NBEAL1: variants seen among roughly 807,000 people sequenced by gnomAD.
The protein encoded by NBEAL1 is neurobeachin like 1.
In NBEAL1, 273 loss-of-function variants were observed where a neutral mutation model predicts 351.3. That is an observed-to-expected ratio of 0.78 (90% CI 0.70 to 0.86). NBEAL1 has a LOEUF of 0.86. Ranked by LOEUF, NBEAL1 falls within the 40% of genes least tolerant of loss-of-function variation. NBEAL1 has a pLI of 0.00. For synonymous variants in NBEAL1, 1,050 were observed against 1,086.4 expected, an observed-to-expected ratio of 0.97 and a Z score of 0.66; for missense variants, 2,961 against 3,201.3, an observed-to-expected ratio of 0.92 and a Z score of 1.81.
chr2:203,203,926 G>A (rs1172434270), intron 51 of NBEAL1, among the ~76,000 whole-genome samples: 2 of 146,140 alleles, frequency 1.4e-5, no homozygotes, highest in Non-Finnish European at 3.0e-5. Context: ...TGTTTTTTTT[G>A]TTATTTTTTG....
intron 31 of NBEAL1, among the ~76,000 whole-genome samples, chr2:203,142,681 G>A (rs1292526091): frequency 2.0e-5 from 3 of 151,962 alleles, no homozygotes; most frequent in Non-Finnish European, 4.4e-5. Context: ...CAAAACATTG[G>A]ATATTTAACT....
At chr2:203,064,029 G>A (rs1463351766) in intron 6 of NBEAL1, among the ~76,000 whole-genome samples, 1 of 152,030 alleles carries the variant, frequency 6.6e-6, no homozygotes, top group Non-Finnish European at 1.5e-5. Context: ...TTTTAGTTGG[G>A]AGCATGATGT....
intron 31 of NBEAL1, among the ~76,000 whole-genome samples, chr2:203,141,180 G>T: frequency 6.7e-6 from 1 of 148,354 alleles, no homozygotes; most frequent in Non-Finnish European, 1.5e-5. Flanking sequence ...TTAGATGTTA[G>T]GACTTTTTTT....
intron 12 of NBEAL1, among the ~76,000 whole-genome samples, chr2:203,105,420 G>A (rs553601997): frequency 4.9e-4 from 75 of 151,816 alleles, no homozygotes; most frequent in South Asian, 4.6e-3. Flanking sequence ...AGCTGAGATC[G>A]CGCCACTGCA....
chr2:203,182,552 G>T, intron 43 of NBEAL1: 1 of 152,254 alleles, frequency 6.6e-6, no homozygotes. Context: ...ACTATCAGGT[G>T]GGCAACGAAT....
chr2:203,052,573 T>G (rs1261816530), intron 4 of NBEAL1, among the ~76,000 whole-genome samples: 1 of 152,110 alleles, frequency 6.6e-6, no homozygotes, highest in Non-Finnish European at 1.5e-5. Context: ...TTTGTTTGTT[T>G]GTTAGACAAG....
At chr2:203,077,336 C>T (rs1050045996) in intron 7 of NBEAL1, among the ~76,000 whole-genome samples, 1 of 151,900 alleles carries the variant, frequency 6.6e-6, no homozygotes, top group African/African-American at 2.4e-5. Flanking sequence ...CACCACTGCA[C>T]TCCAGCCTGG....
chr2:203,122,897 A>G (rs2062859685), intron 19 of NBEAL1, among the ~76,000 whole-genome samples: 1 of 152,050 alleles, frequency 6.6e-6, no homozygotes, highest in Non-Finnish European at 1.5e-5. Flanking sequence ...TCTTTTTTTT[A>G]ATCAGTTCCT....
intron 35 of NBEAL1, among the ~76,000 whole-genome samples, chr2:203,155,949 A>G (rs753988451): frequency 4.6e-5 from 7 of 151,938 alleles, no homozygotes; most frequent in Non-Finnish European, 7.4e-5. Flanking sequence ...CTCCTTTCCC[A>G]TCTGTATTTC....
intron 4 of NBEAL1, among the ~76,000 whole-genome samples, chr2:203,054,901 C>T (rs1574904954): frequency 1.3e-5 from 2 of 152,258 alleles, no homozygotes; most frequent in South Asian, 2.1e-4. Context: ...TAAACCACAG[C>T]CTTAGAGACA....
At chr2:203,060,854 T>C (rs1420809764) in intron 6 of NBEAL1, among the ~76,000 whole-genome samples, 1 of 152,246 alleles carries the variant, frequency 6.6e-6, no homozygotes, top group Admixed American at 6.5e-5. Flanking sequence ...ATTGTTAAAT[T>C]TGAAAACATT....
intron 31 of NBEAL1, among the ~76,000 whole-genome samples, chr2:203,143,983 A>G (rs1376365323): frequency 1.3e-5 from 2 of 152,036 alleles, no homozygotes; most frequent in East Asian, 3.9e-4. Context: ...AGGCCAAGGC[A>G]GGTGGATCAC....
At chr2:203,060,644 T>C (rs1179358999) in intron 6 of NBEAL1, among the ~76,000 whole-genome samples, 1 of 152,222 alleles carries the variant, frequency 6.6e-6, no homozygotes, top group Admixed American at 6.5e-5. Context: ...TACGGAATTT[T>C]CACATCGATG....
At position 203,201,688 on chromosome 2, in the gene NBEAL1, A is replaced by G; in HGVS notation, c.7384A>G (p.Ile2462Val). ...AGTGATGTCACTTACAAAAGGCAAA[A>G]TTATCTCACACATCATCCGGCATAT... ...IQVMSLTKGK[I>V]ISHIIRHMDI... Residue 2462 changes from isoleucine (I) to valine (V), a missense_variant, in exon 50 of 56, where the codon ATT (isoleucine) becomes GTT (valine). By Grantham distance (29) the Ile-to-Val change is conservative. Transcript: ENST00000683969. 2 of 1,604,840 alleles carry G rather than the reference A, an allele frequency of 1.2e-6. No individual in the cohort carries two copies. The highest frequency in any genetic ancestry group is 1.7e-5 in the Admixed American group (1 of 58,808).
intron 17 of NBEAL1, among the ~76,000 whole-genome samples, chr2:203,113,850 C>G (rs1462010150): frequency 7.5e-6 from 1 of 132,908 alleles, no homozygotes; most frequent in Non-Finnish European, 1.5e-5. Context: ...GAGATGGAGT[C>G]TGGCTGTGTG....
chr2:203,129,778 G>C (rs1435330052), intron 24 of NBEAL1, among the ~76,000 whole-genome samples: 1 of 152,208 alleles, frequency 6.6e-6, no homozygotes, highest in Non-Finnish European at 1.5e-5. Flanking sequence ...GACCAGGAAA[G>C]ACTTTATGGA....
At chr2:203,119,385 C>G (rs570803612) in intron 18 of NBEAL1, among the ~76,000 whole-genome samples, 1 of 140,526 alleles carries the variant, frequency 7.1e-6, no homozygotes, top group South Asian at 2.3e-4. Flanking sequence ...TTGCAAAGTG[C>G]TAAGATTACA....
At chr2:203,040,898 A>G (rs2061129643) in intron 2 of NBEAL1, 1 of 387,514 alleles carries the variant, frequency 2.6e-6, no homozygotes, top group South Asian at 2.2e-5. Context: ...CAGCTGAACA[A>G]GACCCAGAAT....
chr2:203,156,349 G>C (rs987113002), intron 35 of NBEAL1, among the ~76,000 whole-genome samples: 3 of 152,100 alleles, frequency 2.0e-5, no homozygotes, highest in African/African-American at 7.2e-5. Context: ...TTGCCAGCTG[G>C]CCTCCTTGCT....
Sources: allele counts gnomAD v4.1 joint callset (sites outside exome capture counted in the v4.1 genomes callset), GRCh38; gene constraint gnomAD v4.1.1; transcripts MANE v1.5; gene names NCBI Gene and HGNC (gene_info 2026-07-23, HGNC 2026-07-21).